WWC1: variants seen among roughly 807,000 people sequenced by gnomAD.
WWC1 encodes WW and C2 domain containing 1, also known as protein KIBRA.
WWC1 carries 55 observed loss-of-function variants against 138.4 expected under a neutral mutation model. The ratio of observed to expected loss-of-function variants is 0.40; its 90% confidence interval spans 0.32 to 0.50. The LOEUF (loss-of-function observed/expected upper bound fraction) is 0.50. Among genes scored for constraint, WWC1 ranks in the 20% least tolerant of loss-of-function variants. WWC1 has a pLI of 0.72. For synonymous variants in WWC1, 524 were observed against 564.9 expected, an observed-to-expected ratio of 0.93 and a Z score of 1.03; for missense variants, 1,226 against 1,420.4, an observed-to-expected ratio of 0.86 and a Z score of 2.20.
intron 1 of WWC1, among the ~76,000 whole-genome samples, chr5:168,335,352 G>A (rs1305550566): frequency 1.3e-5 from 2 of 152,192 alleles, no homozygotes; most frequent in South Asian, 2.1e-4. Context: ...CAGCCATGGC[G>A]GCTCACACCT....
intron 1 of WWC1, among the ~76,000 whole-genome samples, chr5:168,353,709 A>T (rs1313974465): frequency 1.3e-5 from 2 of 152,168 alleles, no homozygotes; most frequent in Non-Finnish European, 2.9e-5. Context: ...TCCACTGTGT[A>T]GTGTGTGGTT....
chr5:168,298,599 G>T (rs530674686), intron 1 of WWC1, among the ~76,000 whole-genome samples: 19 of 152,230 alleles, frequency 1.2e-4, no homozygotes, highest in Admixed American at 5.9e-4. Context: ...AAAAACACTA[G>T]GATAGATAAT....
chr5:168,332,053 G>A (rs1397760949), intron 1 of WWC1, among the ~76,000 whole-genome samples: 2 of 151,978 alleles, frequency 1.3e-5, no homozygotes, highest in East Asian at 3.9e-4. Context: ...GGCTAAGGCA[G>A]GAGAATCACT....
intron 15 of WWC1, among the ~76,000 whole-genome samples, chr5:168,431,965 G>A (rs576741742): frequency 6.6e-6 from 1 of 151,460 alleles, no homozygotes; most frequent in East Asian, 1.9e-4. Flanking sequence ...TACTCTGGAG[G>A]TTGAGATGGG....
intron 2 of WWC1, among the ~76,000 whole-genome samples, chr5:168,384,836 G>A (rs1376370322): frequency 6.8e-6 from 1 of 148,008 alleles, no homozygotes; most frequent in Non-Finnish European, 1.5e-5. Flanking sequence ...CCCTGCCTTA[G>A]CCTCCCAAGT....
chr5:168,428,246 T>C (rs1781666783), intron 12 of WWC1, 105 bp downstream of exon 12: 1 of 1,146,192 alleles, frequency 8.7e-7, no homozygotes, highest in Non-Finnish European at 1.2e-6. Flanking sequence ...CCCCACAGTG[T>C]GTGGGAGGAG....
intron 6 of WWC1, among the ~76,000 whole-genome samples, chr5:168,407,191 G>C (rs895255915): frequency 2.0e-5 from 3 of 152,172 alleles, no homozygotes; most frequent in Non-Finnish European, 4.4e-5. Flanking sequence ...TTCATTGTGT[G>C]TTCTGCCTCT....
chr5:168,300,834 G>T (rs982347555), intron 1 of WWC1, among the ~76,000 whole-genome samples: 14 of 152,230 alleles, frequency 9.2e-5, no homozygotes, highest in African/African-American at 3.4e-4. Flanking sequence ...TCCACTGACG[G>T]GTAACAGACT....
At chr5:168,358,678 T>C (rs1247371240) in intron 1 of WWC1, among the ~76,000 whole-genome samples, 1 of 152,216 alleles carries the variant, frequency 6.6e-6, no homozygotes, top group African/African-American at 2.4e-5. Context: ...TAAGCTAATA[T>C]GTTGCATTGA....
chr5:168,335,187 A>G (rs1362987914), intron 1 of WWC1, among the ~76,000 whole-genome samples: 5 of 152,224 alleles, frequency 3.3e-5, no homozygotes, highest in African/African-American at 7.2e-5. Context: ...TTGCTGGTGC[A>G]GGTGCATCTT....
intron 1 of WWC1, among the ~76,000 whole-genome samples, chr5:168,307,931 G>A (rs931488698): frequency 3.9e-5 from 6 of 152,064 alleles, no homozygotes; most frequent in African/African-American, 1.4e-4. Context: ...TCTTTTTATG[G>A]ACTGTTCTGC....
At chr5:168,356,805 C>T (rs1004070596) in intron 1 of WWC1, among the ~76,000 whole-genome samples, 2 of 152,090 alleles carry the variant, frequency 1.3e-5, no homozygotes, top group Non-Finnish European at 2.9e-5. Context: ...GCTCTTGTCG[C>T]GCTTCTCCAG....
intron 1 of WWC1, among the ~76,000 whole-genome samples, chr5:168,357,493 T>TGTGTGTGC (rs1353607261): frequency 4.7e-4 from 56 of 119,824 alleles, no homozygotes; most frequent in African/African-American, 2.0e-3. Flanking sequence ...TGTGTGTGTG[T>TGTGTGTGC]GCGCGCGCGC....
rs371559140 is a variant in WWC1 at position 168,409,910 on chromosome 5, C to A, written c.868-12C>A. ...CAGCCACATAATTCCTGACTTTGTT[C>A]TTCTCCTCCAGTTCGGCATCAACAG... On this transcript the variant is annotated splice_polypyrimidine_tract_variant and intron_variant, in intron 7 of 22. Coordinates refer to ENST00000265293, the MANE Select transcript of WWC1 (RefSeq NM_015238.3). 1 of 1,613,782 alleles carries A rather than the reference C, an allele frequency of 6.2e-7. No individual in the cohort carries two copies. The highest frequency in any genetic ancestry group is 8.5e-7 in the Non-Finnish European group (1 of 1,179,832).
intron 1 of WWC1, among the ~76,000 whole-genome samples, chr5:168,315,971 A>G (rs1771550933): frequency 6.6e-6 from 1 of 152,186 alleles, no homozygotes; most frequent in African/African-American, 2.4e-5. Context: ...ATAGCTTGAC[A>G]TTCTTCCTGC....
Position 168,397,203 on chromosome 5 carries a change from C to T in WWC1, c.434-521C>T, listed in dbSNP as rs192601929. Among the ~76,000 whole-genome samples, 652 of 150,798 alleles carry T rather than the reference C, an allele frequency of 4.3e-3. 4 individuals are homozygous for T. Among genetic ancestry groups the T allele is most frequent in the African/African-American group, 0.015 (603 of 40,998 alleles). On this transcript the variant is annotated intron_variant, in intron 3 of 22. Transcript: ENST00000265293. ...TGTCACCCAGGCTGGAATGTGATGG[C>T]GCGATTTCGGCTCACTGCAACCTCT...
chr5:168,383,756 A>C (rs183714222), intron 2 of WWC1, among the ~76,000 whole-genome samples: 1 of 152,322 alleles, frequency 6.6e-6, no homozygotes, highest in Non-Finnish European at 1.5e-5. Context: ...GATTCACCAC[A>C]TTGCCCTGAT....
chr5:168,425,581 T>G (rs1312276920), intron 11 of WWC1, among the ~76,000 whole-genome samples: 14 of 147,572 alleles, frequency 9.5e-5, no homozygotes, highest in Admixed American at 6.2e-4. Context: ...AACCTCCACC[T>G]CCTGGGTTCA....
chr5:168,315,412 A>G (rs1771496022), intron 1 of WWC1, among the ~76,000 whole-genome samples: 1 of 151,834 alleles, frequency 6.6e-6, no homozygotes, highest in Admixed American at 6.6e-5. Flanking sequence ...CCTTTGCTTG[A>G]TCGTTCCTTT....
Sources: gnomAD v4.1 joint callset for allele counts (sites outside exome capture counted in the v4.1 genomes callset) on GRCh38, gnomAD v4.1.1 for gene constraint, MANE v1.5 for transcripts, NCBI Gene and HGNC (gene_info 2026-07-23, HGNC 2026-07-21) for gene names.